ISG20L2: variants seen among roughly 807,000 people sequenced by gnomAD.
ISG20L2 encodes interferon-stimulated 20 kDa exonuclease-like 2.
ISG20L2 carries 14 observed loss-of-function variants against 27.8 expected under a neutral mutation model. That is an observed-to-expected ratio of 0.50 (90% confidence interval 0.33 to 0.79). The LOEUF is 0.79. Among genes scored for constraint, ISG20L2 ranks in the 30% least tolerant of loss-of-function variants. The pLI, the probability that ISG20L2 is intolerant of heterozygous loss-of-function variation, is 0.02. For missense variants in ISG20L2, 393 were observed against 435.1 expected (o/e 0.90, Z 0.86); for synonymous variants, 157 against 165.7 (o/e 0.95, Z 0.40).
chr1:156,723,185 C>G lies in ISG20L2; in HGVS notation c.*164G>C, dbSNP rs1407235834. On this transcript the variant is annotated 3_prime_UTR_variant, in exon 4 of 4. Transcript: ENST00000368219. The stretch of plus-strand genomic sequence containing the variant: ...ACTTAACCAGACACAGGACACAACA[C>G]CTGAGGTGAAATTTCAATGGGTATT... 12 of 830,368 alleles carry G rather than the reference C, an allele frequency of 1.4e-5. No individual in the cohort carries two copies. Among genetic ancestry groups the G allele is most frequent in the Middle Eastern group, 7.3e-4 (2 of 2,728 alleles). 51.4% of individuals were successfully genotyped at this position (830,368 alleles called of 1,614,324 possible).
chr1:156,727,900 A>G (rs756695932), intron 1 of ISG20L2, 131 bp from the exon 2 acceptor site: 83 of 1,253,192 alleles, frequency 6.6e-5, no homozygotes, highest in Non-Finnish European at 7.5e-5. Flanking sequence ...AAATGAAAAC[A>G]TAACATGAAA....
rs950247546 is a variant in ISG20L2, at chr1:156,728,666, C to T, written c.-369G>A. 5.1e-6 allele frequency: 5 copies of T among 987,080 alleles called. No homozygotes were observed. The highest frequency in any genetic ancestry group is 6.0e-6 in the Non-Finnish European group (5 of 830,730). The allele number at this position is 987,080 out of a possible 1,614,324, so 61.1% of individuals were successfully genotyped here. ...GGATGCGCTCCCCGGCCCCTCTAGC[C>T]CCGTGGTGGTACAACGCGAAGGTGT... On this transcript the variant is annotated 5_prime_UTR_variant, in exon 1 of 4. Transcript: ENST00000368219.
Position 156,723,269 on chromosome 1 carries a change from G to T in ISG20L2, c.*80C>A. The T allele has an allele frequency of 6.5e-7, 1 of 1,532,042 alleles. No individual in the cohort carries two copies. Among genetic ancestry groups the T allele is most frequent in the Non-Finnish European group, 9.0e-7 (1 of 1,113,850 alleles). The allele number at this position is 1,532,042 out of a possible 1,614,324, so 94.9% of individuals were successfully genotyped here. A position where few individuals can be genotyped will look rare whatever the true frequency, so the allele number is the denominator to read the frequency against. ...TAGCTTCCAAAGATGTGGAGCTGGT[G>T]GAGCTGTCCATTGGTCCACTGCCCT... On this transcript the variant is annotated 3_prime_UTR_variant, in exon 4 of 4. Transcript: ENST00000368219.
intron 3 of ISG20L2, 22 bp downstream of exon 3, chr1:156,724,125 CG>C: frequency 6.3e-7 from 1 of 1,589,586 alleles, no homozygotes; most frequent in Non-Finnish European, 8.6e-7. Flanking sequence ...AAGATGGGGG[CG>C]GGGGATGTGG....
In ISG20L2 at chr1:156,727,550, A is replaced by C; in HGVS notation, c.103T>G (p.Leu35Val). The change falls in exon 2 of 4, where the codon TTA (leucine) becomes GTA (valine). Residue 35 changes from leucine to valine, a missense_variant. Physicochemically the swap from Leu to Val is conservative, Grantham distance 32. Coordinates refer to ENST00000368219, the MANE Select transcript of ISG20L2 (RefSeq NM_001370150.2). ...HRNFVKKRRL[L>V]ERRGFLSKKN... is the part of the protein sequence containing the mutation. ...TTACTCAGAAAGCCTCTCCGTTCTA[A>C]GAGCCTCCGCTTCTTGACAAAATTT... 6.2e-7 allele frequency: 1 copy of C among 1,614,190 alleles called. No individual in the cohort carries two copies. Among genetic ancestry groups the C allele is most frequent in the Non-Finnish European group, 8.5e-7 (1 of 1,180,036 alleles).
In ISG20L2 at chr1:156,726,462, G is replaced by A. The variant is rs952078653; in HGVS notation, c.747+444C>T. ...TTTTGAGACAGGATCTCACTCTGTC[G>A]CTCAGGCTGGAGTGCAGTGGCAGTG... On this transcript the variant is annotated intron_variant, in intron 2 of 3. Transcript: ENST00000368219. 6 of 961,126 alleles carry A rather than the reference G, an allele frequency of 6.2e-6. No individual in the cohort carries two copies. The African/African-American group carries it at 8.8e-5, about 14-fold the overall frequency. The allele number at this position is 961,126 out of a possible 1,614,324, so 59.5% of individuals were successfully genotyped here.
chr1:156,728,461 C>G lies in ISG20L2; in HGVS notation c.-164G>C. 2.0e-6 allele frequency: 2 copies of G among 985,712 alleles called. No homozygotes were observed. Among genetic ancestry groups the G allele is most frequent in the Non-Finnish European group, 2.4e-6 (2 of 829,970 alleles). 61.1% of individuals were successfully genotyped at this position (985,712 alleles called of 1,614,324 possible). ...GACCGGAAGCGTCCGGAGCCGGATG[C>G]GGAAATCGGTGCGCGCCGACGAAGC... On this transcript the variant is annotated 5_prime_UTR_variant, in exon 1 of 4. Coordinates refer to ENST00000368219, the MANE Select transcript of ISG20L2 (RefSeq NM_001370150.2).
chr1:156,723,842 G>T, intron 3 of ISG20L2: 1 of 1,254,208 alleles, frequency 8.0e-7, no homozygotes, highest in South Asian at 2.0e-5. Flanking sequence ...CTGAAATATA[G>T]CGTGTAAAAT....
chr1:156,726,407 T>C, intron 2 of ISG20L2: 1 of 985,360 alleles, frequency 1.0e-6, no homozygotes, highest in Non-Finnish European at 1.2e-6. Context: ...AGACCCAATT[T>C]AGAACCTAAA....
At chr1:156,724,916 C>T (rs1648686133) in intron 2 of ISG20L2, 1 of 152,578 alleles carries the variant, frequency 6.6e-6, no homozygotes, top group Admixed American at 6.6e-5. Flanking sequence ...AGTTTTGGAA[C>T]CAAGTAAAAT....
At chr1:156,728,123 T>C (rs1361111760) in intron 1 of ISG20L2, 7 of 990,136 alleles carry the variant, frequency 7.1e-6, no homozygotes, top group Non-Finnish European at 8.4e-6. Flanking sequence ...AAGGAACATC[T>C]AGGTATGCTC....
Position 156,727,138 on chromosome 1 carries a change from G to C in ISG20L2, c.515C>G (p.Ser172Cys), listed in dbSNP as rs1364730170. 8 of 1,614,012 alleles carry C rather than the reference G, an allele frequency of 5.0e-6. No individual in the cohort carries two copies. In the African/African-American group the frequency reaches 9.3e-5, roughly 19 times the overall value. Reference sequence around the variant, plus strand: ...CACCATCTTCCGTGGCAACTTCTGGGATGCTCCGGAGCATTTATTCTCTGA... The same window carrying C: ...CACCATCTTCCGTGGCAACTTCTGGCATGCTCCGGAGCATTTATTCTCTGA... ...AHSENKCSGASQKLPRKMVAI... is the reference protein window; with the variant it reads ...AHSENKCSGACQKLPRKMVAI... Residue 172 changes from serine (S) to cysteine (C), a missense_variant, in exon 2 of 4, where the codon TCC (serine) becomes TGC (cysteine). Ser to Cys is a moderately radical substitution (Grantham distance 112). This residue lies in a region of ISG20L2 where 39 missense variants were observed against 71.6 expected (regional missense o/e 0.54). Transcript: ENST00000368219.
chr1:156,727,408 G>C lies in ISG20L2; in HGVS notation c.245C>G (p.Ala82Gly). ...CTGTCCTGACCCATTGCTGGAAGCAGCTGTCTTCTTTTTTGGGAAGGAAGG... is the reference window on the plus strand; with the variant it reads ...CTGTCCTGACCCATTGCTGGAAGCACCTGTCTTCTTTTTTGGGAAGGAAGG... ...KTPSFPKKKTAASSNGSGQPL... is the reference protein window; with the variant it reads ...KTPSFPKKKTGASSNGSGQPL... The change falls in exon 2 of 4, where the codon GCT becomes GGT. Residue 82 changes from alanine (A) to glycine (G), a missense_variant. By Grantham distance (60) the Ala-to-Gly change is moderately conservative (BLOSUM62 0). Coordinates refer to ENST00000368219, the MANE Select transcript of ISG20L2 (RefSeq NM_001370150.2). The C allele has an allele frequency of 1.9e-6, 3 of 1,614,146 alleles. No homozygotes were observed. The highest frequency in any genetic ancestry group is 2.5e-6 in the Non-Finnish European group (3 of 1,180,012).
In ISG20L2 at chr1:156,726,123, C is replaced by T. The variant is rs139593883; in HGVS notation, c.747+783G>A. On this transcript the variant is annotated intron_variant, in intron 2 of 3. Transcript: ENST00000368219. ...ACAACCCGAAGTGCCGGCCCTGTGCCGTTTATGCCGTTCACTGGTTACCTG... is the reference window on the plus strand; with the variant it reads ...ACAACCCGAAGTGCCGGCCCTGTGCTGTTTATGCCGTTCACTGGTTACCTG... 499 of 985,438 alleles carry T rather than the reference C, an allele frequency of 5.1e-4. 2 individuals are homozygous for T. In the African/African-American group the frequency reaches 8.0e-3, roughly 16 times the overall value. The allele number at this position is 985,438 out of a possible 1,614,324, so 61.0% of individuals were successfully genotyped here.
chr1:156,726,698 C>A, intron 2 of ISG20L2: 5 of 985,414 alleles, frequency 5.1e-6, no homozygotes, highest in Non-Finnish European at 6.0e-6. Flanking sequence ...TAGATCTTGA[C>A]CAATGAAGTT....
At chr1:156,723,542 TC>T in intron 3 of ISG20L2, 80 bp from the exon 4 acceptor site, 3 of 1,574,382 alleles carry the variant, frequency 1.9e-6, no homozygotes, top group Non-Finnish European at 2.6e-6. Context: ...GTACTCCTCT[TC>T]CCCCTGCCTC....
chr1:156,728,347 A>C, intron 1 of ISG20L2, 68 bp downstream of exon 1: 1 of 985,732 alleles, frequency 1.0e-6, no homozygotes, highest in Non-Finnish European at 1.2e-6. Context: ...GGCTTGAGGC[A>C]GCCCACCTGG....
rs765786905 is a variant in ISG20L2 at position 156,727,460 on chromosome 1, G to C, written c.193C>G (p.Pro65Ala). Residue 65 changes from proline to alanine, a missense_variant, in exon 2 of 4, where the codon CCT becomes GCT. This residue lies in a region of ISG20L2 where 183 missense variants were observed against 168.2 expected (regional missense o/e 1.09). Transcript: ENST00000368219. Reference protein sequence around the residue: ...HSEPSKKGETPTVDGTWKTPS... With the variant: ...HSEPSKKGETATVDGTWKTPS... ...GTCTTCCAAGTGCCATCGACCGTAG[G>C]AGTTTCCCCTTTCTTTGAAGGTTCA... 3 of 1,613,950 alleles carry C rather than the reference G, an allele frequency of 1.9e-6. No homozygotes were observed. The highest frequency in any genetic ancestry group is 3.3e-5 in the Admixed American group (2 of 59,948).
At chr1:156,726,483 C>T (rs1024514352) in intron 2 of ISG20L2, 1 of 910,214 alleles carries the variant, frequency 1.1e-6, no homozygotes, top group African/African-American at 1.8e-5. Context: ...AGTGCAGTGG[C>T]AGTGGTGTGA....
Sources: allele counts gnomAD v4.1 joint callset, GRCh38; gene constraint gnomAD v4.1.1; regional missense constraint gnomAD v4.1.1; transcripts MANE v1.5; gene names NCBI Gene and HGNC (gene_info 2026-07-23, HGNC 2026-07-21).